NTNG1: variants seen among roughly 807,000 people sequenced by gnomAD.
The protein encoded by NTNG1 is netrin-G1.
NTNG1 carries 16 observed loss-of-function variants against 54.0 expected under a neutral mutation model. The observed-to-expected ratio is 0.30, with a 90% confidence interval of 0.20 to 0.45. NTNG1 has a LOEUF of 0.45. Ranked by LOEUF, NTNG1 falls within the 20% of genes least tolerant of loss-of-function variation. The pLI is 1.00. For missense variants in NTNG1, 530 were observed against 678.7 expected, an observed-to-expected ratio of 0.78 and a Z score of 2.43; for synonymous variants, 255 against 263.1, an observed-to-expected ratio of 0.97 and a Z score of 0.30.
At chr1:107,319,403 G>T (rs1667514827) in intron 2 of NTNG1, among the ~76,000 whole-genome samples, 1 of 152,084 alleles carries the variant, frequency 6.6e-6, no homozygotes. Context: ...GTTAAAGCAT[G>T]GTTCTCATGG....
At chr1:107,330,576 A>C (rs1668219782) in intron 3 of NTNG1, among the ~76,000 whole-genome samples, 1 of 152,138 alleles carries the variant, frequency 6.6e-6, no homozygotes, top group South Asian at 2.1e-4. Context: ...GTGGGGCCAA[A>C]ACTAAAATGG....
At chr1:107,230,203 A>T (rs921557529) in intron 2 of NTNG1, among the ~76,000 whole-genome samples, 5 of 152,208 alleles carry the variant, frequency 3.3e-5, no homozygotes, top group African/African-American at 1.2e-4. Context: ...TATAATAATT[A>T]TGAAAGCTAA....
intron 2 of NTNG1, among the ~76,000 whole-genome samples, chr1:107,321,681 G>T (rs1222542388): frequency 6.6e-6 from 1 of 152,060 alleles, no homozygotes; most frequent in African/African-American, 2.4e-5. Context: ...GCTAAACAAG[G>T]TTCTTAATTT....
chr1:107,354,538 C>T (rs1304731441), intron 3 of NTNG1, among the ~76,000 whole-genome samples: 1 of 142,772 alleles, frequency 7.0e-6, no homozygotes, highest in African/African-American at 2.6e-5. Context: ...AACCATTAAA[C>T]ACCAGTCAGT....
At chr1:107,219,417 A>T (rs1380344317) in intron 2 of NTNG1, among the ~76,000 whole-genome samples, 1 of 152,150 alleles carries the variant, frequency 6.6e-6, no homozygotes, top group Non-Finnish European at 1.5e-5. Context: ...TTTTCTGGCA[A>T]TTCAGAGATT....
intron 2 of NTNG1, among the ~76,000 whole-genome samples, chr1:107,205,660 G>C: frequency 6.6e-6 from 1 of 151,614 alleles, no homozygotes; most frequent in East Asian, 1.9e-4. Context: ...TAACATACAC[G>C]CAGAAATGTG....
chr1:107,172,351 C>T lies in NTNG1; in HGVS notation c.246+23512C>T, dbSNP rs150757389. Reference sequence around the variant, plus strand: ...GCTAACCTCTGTCAAACATCAACTGCATATCAGGCACTATTGTAAGACTTT... The same window carrying T: ...GCTAACCTCTGTCAAACATCAACTGTATATCAGGCACTATTGTAAGACTTT... On this transcript the variant is annotated intron_variant, in intron 2 of 7. Transcript: ENST00000370068. 2.6e-5 allele frequency among the ~76,000 whole-genome samples: 4 copies of T among 152,260 alleles called. No individual in the cohort carries two copies. In the South Asian group the frequency reaches 6.2e-4, roughly 24 times the overall value.
chr1:107,417,084 A>G (rs1400584586), intron 5 of NTNG1, among the ~76,000 whole-genome samples: 1 of 152,104 alleles, frequency 6.6e-6, no homozygotes, highest in East Asian at 1.9e-4. Context: ...CTACCATTCA[A>G]TATCTACCCA....
intron 2 of NTNG1, among the ~76,000 whole-genome samples, chr1:107,295,234 T>C (rs1665870468): frequency 6.6e-6 from 1 of 152,200 alleles, no homozygotes; most frequent in Non-Finnish European, 1.5e-5. Context: ...CAACTTTGCT[T>C]CTTTTCTTGT....
chr1:107,376,420 A>AAC (rs1553235255), intron 3 of NTNG1, among the ~76,000 whole-genome samples: 3 of 151,088 alleles, frequency 2.0e-5, no homozygotes, highest in East Asian at 1.9e-4. Context: ...AACAAAACAA[A>AAC]AAAAAAAACA....
chr1:107,266,649 T>TA (rs1663759238), intron 2 of NTNG1, among the ~76,000 whole-genome samples: 1 of 151,584 alleles, frequency 6.6e-6, no homozygotes, highest in Non-Finnish European at 1.5e-5. Flanking sequence ...GACCTGGTGT[T>TA]ACAACTACAT....
intron 4 of NTNG1, among the ~76,000 whole-genome samples, chr1:107,399,539 T>G (rs111256200): frequency 0.022 from 3,411 of 152,290 alleles, 47 homozygotes; most frequent in Admixed American, 0.041. Context: ...TTGACCAATT[T>G]ATATTTTCCC....
chr1:107,468,872 C>A (rs555647019), intron 7 of NTNG1, among the ~76,000 whole-genome samples: 1 of 151,988 alleles, frequency 6.6e-6, no homozygotes, highest in African/African-American at 2.4e-5. Flanking sequence ...CCAAGGTGGG[C>A]GGATCATGAG....
chr1:107,483,135 T>C lies in NTNG1; in HGVS notation c.*2295T>C, dbSNP rs1396528260. ...TGGATTTCTGATATTAAAATTAGAG[T>C]TTAAGTTGTCTTATAGTTTATTAGC... On this transcript the variant is annotated 3_prime_UTR_variant, in exon 8 of 8. Coordinates refer to ENST00000370068, the MANE Select transcript of NTNG1 (RefSeq NM_001113226.3). The C allele has an allele frequency of 6.6e-6, 1 of 152,172 alleles. No individual in the cohort carries two copies. Among genetic ancestry groups the C allele is most frequent in the Admixed American group, 6.5e-5 (1 of 15,282 alleles). 9.4% of individuals were successfully genotyped at this position (152,172 alleles called of 1,614,324 possible). A position where few individuals can be genotyped will look rare whatever the true frequency, so the allele number is the denominator to read the frequency against.
At chr1:107,309,541 T>C (rs1666879806) in intron 2 of NTNG1, among the ~76,000 whole-genome samples, 2 of 152,222 alleles carry the variant, frequency 1.3e-5, no homozygotes, top group African/African-American at 2.4e-5. Context: ...CTGCCAGGAA[T>C]TTTGAAGGAT....
intron 2 of NTNG1, among the ~76,000 whole-genome samples, chr1:107,265,761 T>A (rs1290861257): frequency 6.6e-6 from 1 of 152,194 alleles, no homozygotes; most frequent in African/African-American, 2.4e-5. Flanking sequence ...TGGTGAGAAG[T>A]AGAAGAAATT....
intron 2 of NTNG1, among the ~76,000 whole-genome samples, chr1:107,205,376 A>G (rs28390236): frequency 0.045 from 6,796 of 152,232 alleles, 155 homozygotes; most frequent in Non-Finnish European, 0.052. Context: ...GTGATTTTCA[A>G]CTTATCCAGC....
intron 3 of NTNG1, among the ~76,000 whole-genome samples, chr1:107,330,387 C>CA (rs1668209556): frequency 6.6e-6 from 1 of 152,110 alleles, no homozygotes; most frequent in African/African-American, 2.4e-5. Context: ...AAAGCTATAA[C>CA]ATTGCTTAAT....
At chr1:107,150,349 T>G (rs1056495739) in intron 2 of NTNG1, among the ~76,000 whole-genome samples, 5 of 152,186 alleles carry the variant, frequency 3.3e-5, no homozygotes, top group Admixed American at 2.6e-4. Flanking sequence ...GGTGGCTTTA[T>G]GTGAGGTCTT....
Sources: gnomAD v4.1 joint callset for allele counts (sites outside exome capture counted in the v4.1 genomes callset) on GRCh38, gnomAD v4.1.1 for gene constraint, MANE v1.5 for transcripts, NCBI Gene and HGNC (gene_info 2026-07-23, HGNC 2026-07-21) for gene names.